The following CCSER1 variants were observed in gnomAD, a reference collection of about 807,000 sequenced individuals.
CCSER1 encodes coiled-coil serine rich protein 1.
A neutral mutation model predicts 82.0 loss-of-function variants in CCSER1; 41 were observed. The ratio of observed to expected loss-of-function variants is 0.50; its 90% CI spans 0.39 to 0.65. The LOEUF is 0.65. CCSER1 is among the 30% of genes least tolerant of loss of function. The probability of loss-of-function intolerance (pLI) is 0.00; values close to 1 mark genes in which losing one functional copy is unlikely to be tolerated. For missense variants in CCSER1, 1,119 were observed against 1,064.2 expected (o/e 1.05, Z -0.72); for synonymous variants, 414 against 383.9 (o/e 1.08, Z -0.92).
intron 5 of CCSER1, among the ~76,000 whole-genome samples, chr4:90,532,819 C>T (rs372748208): frequency 9.2e-5 from 14 of 152,058 alleles, no homozygotes; most frequent in African/African-American, 2.4e-4. Context: ...ACAAATAGAT[C>T]GACTTGTACT....
chr4:90,861,708 T>A (rs193093656), intron 8 of CCSER1, among the ~76,000 whole-genome samples: 152 of 151,836 alleles, frequency 1.0e-3, no homozygotes, highest in African/African-American at 3.4e-3. Flanking sequence ...GAATATCCAA[T>A]AATAATCACT....
chr4:90,848,392 A>C (rs1763457881), intron 8 of CCSER1, among the ~76,000 whole-genome samples: 1 of 152,240 alleles, frequency 6.6e-6, no homozygotes, highest in African/African-American at 2.4e-5. Flanking sequence ...TATAGTATTG[A>C]AAGATATAAA....
chr4:90,940,997 A>T (rs886347896), intron 9 of CCSER1, among the ~76,000 whole-genome samples: 2 of 152,138 alleles, frequency 1.3e-5, no homozygotes, highest in African/African-American at 4.8e-5. Flanking sequence ...ATTGTGTATT[A>T]TGTATACATA....
intron 1 of CCSER1, among the ~76,000 whole-genome samples, chr4:90,300,418 A>G (rs760417708): frequency 1.4e-4 from 22 of 152,136 alleles, no homozygotes; most frequent in Non-Finnish European, 1.5e-4. Flanking sequence ...GTGATGTAGT[A>G]TCTTCTCATT....
chr4:91,594,515 T>C (rs1764461753), intron 10 of CCSER1, among the ~76,000 whole-genome samples: 2 of 149,738 alleles, frequency 1.3e-5, no homozygotes, highest in Admixed American at 6.7e-5. Context: ...TATCTATATC[T>C]ATCTATCTTA....
intron 9 of CCSER1, among the ~76,000 whole-genome samples, chr4:90,936,562 T>A (rs192886496): frequency 1.3e-5 from 2 of 152,258 alleles, no homozygotes; most frequent in Admixed American, 1.3e-4. Flanking sequence ...TTTCATTACA[T>A]GTGTGTCTCT....
chr4:91,009,275 T>C (rs1387042451), intron 9 of CCSER1, among the ~76,000 whole-genome samples: 1 of 152,216 alleles, frequency 6.6e-6, no homozygotes, highest in Non-Finnish European at 1.5e-5. Context: ...AGGGTAGCCG[T>C]TGCTGGCTCG....
chr4:90,283,124 A>C (rs1729171635), intron 1 of CCSER1, among the ~76,000 whole-genome samples: 1 of 151,946 alleles, frequency 6.6e-6, no homozygotes, highest in Admixed American at 6.6e-5. Flanking sequence ...TAGTGATAAC[A>C]TGTTTTTCTA....
At chr4:90,457,216 C>T (rs535022536) in intron 4 of CCSER1, among the ~76,000 whole-genome samples, 7 of 152,320 alleles carry the variant, frequency 4.6e-5, no homozygotes, top group East Asian at 3.9e-4. Flanking sequence ...TGTCACCCAG[C>T]AGCTTGGAGA....
intron 6 of CCSER1, among the ~76,000 whole-genome samples, chr4:90,672,631 A>C (rs539599479): frequency 6.6e-6 from 1 of 152,094 alleles, no homozygotes; most frequent in African/African-American, 2.4e-5. Flanking sequence ...TTGCTTTCAC[A>C]ACTTGGCTAT....
chr4:90,911,673 G>A (rs1305987746), intron 8 of CCSER1, among the ~76,000 whole-genome samples: 1 of 152,164 alleles, frequency 6.6e-6, no homozygotes, highest in African/African-American at 2.4e-5. Context: ...AGCTGAAGCA[G>A]GGCGAGGCAT....
chr4:91,444,754 G>A (rs1430888408), intron 10 of CCSER1, among the ~76,000 whole-genome samples: 2 of 152,162 alleles, frequency 1.3e-5, no homozygotes, highest in African/African-American at 4.8e-5. Context: ...CCAGCCTCTT[G>A]CTTCTTCAAG....
chr4:91,133,714 A>G (rs907008637), intron 10 of CCSER1, among the ~76,000 whole-genome samples: 1 of 152,168 alleles, frequency 6.6e-6, no homozygotes, highest in African/African-American at 2.4e-5. Context: ...AAAGACCATT[A>G]TTTACTAAAA....
chr4:91,297,018 A>G (rs930976662), intron 10 of CCSER1, among the ~76,000 whole-genome samples: 3 of 151,772 alleles, frequency 2.0e-5, no homozygotes, highest in Non-Finnish European at 4.4e-5. Context: ...ATCCTTAAAG[A>G]GGACTAGTGG....
chr4:91,315,972 T>A (rs906186109), intron 10 of CCSER1, among the ~76,000 whole-genome samples: 1 of 151,866 alleles, frequency 6.6e-6, no homozygotes, highest in African/African-American at 2.4e-5. Flanking sequence ...TGGTGGGAGG[T>A]AATTTAATCA....
intron 9 of CCSER1, among the ~76,000 whole-genome samples, chr4:91,065,570 G>A (rs1720726177): frequency 6.6e-6 from 1 of 151,940 alleles, no homozygotes; most frequent in Admixed American, 6.6e-5. Context: ...GAAATAATGT[G>A]GTAACACTTG....
chr4:90,682,818 TC>T (rs1734140641), intron 6 of CCSER1, among the ~76,000 whole-genome samples: 1 of 152,138 alleles, frequency 6.6e-6, no homozygotes, highest in African/African-American at 2.4e-5. Flanking sequence ...GATTTATTAA[TC>T]ACTAAATAGC....
At chr4:90,749,692 T>G (rs2149477692) in intron 7 of CCSER1, among the ~76,000 whole-genome samples, 2 of 152,254 alleles carry the variant, frequency 1.3e-5, no homozygotes, top group East Asian at 3.9e-4. Flanking sequence ...AGTCTATCAT[T>G]GTTGGACATT....
chr4:90,750,782 G>A (rs1303743594), intron 7 of CCSER1, among the ~76,000 whole-genome samples: 1 of 152,078 alleles, frequency 6.6e-6, no homozygotes, highest in Non-Finnish European at 1.5e-5. Flanking sequence ...TTGGTAAATG[G>A]TGTCTGTATC....
Sources: gnomAD v4.1 joint callset for allele counts (sites outside exome capture counted in the v4.1 genomes callset) on GRCh38, gnomAD v4.1.1 for gene constraint, MANE v1.5 for transcripts, NCBI Gene and HGNC (gene_info 2026-07-23, HGNC 2026-07-21) for gene names.